Variants in TXNDC15 observed in about 807,000 individuals in gnomAD.
TXNDC15 encodes the protein thioredoxin domain-containing protein 15.
In TXNDC15, 24 loss-of-function variants were observed where a neutral mutation model predicts 35.0. The ratio of observed to expected loss-of-function variants is 0.68; its 90% CI spans 0.50 to 0.96. TXNDC15 has a LOEUF of 0.96. TXNDC15 is among the 40% of genes least tolerant of loss of function. The probability of loss-of-function intolerance (pLI) is 0.00; values close to 1 mark genes in which losing one functional copy is unlikely to be tolerated. For synonymous variants in TXNDC15, 169 were observed against 174.0 expected (o/e 0.97, Z 0.23); for missense variants, 385 against 453.3 (o/e 0.85, Z 1.37).
intron 2 of TXNDC15, chr5:134,892,947 AG>A (rs1750417100): frequency 6.5e-6 from 1 of 153,488 alleles, no homozygotes; most frequent in South Asian, 2.0e-4. Context: ...GTAACATCAA[AG>A]ATACTTATCA....
chr5:134,882,462 A>G (rs887115298), intron 1 of TXNDC15, among the ~76,000 whole-genome samples: 6 of 152,154 alleles, frequency 3.9e-5, no homozygotes, highest in African/African-American at 1.4e-4. Flanking sequence ...AGAGGCTGCA[A>G]TCTCGGCACT....
At chr5:134,875,879 A>C (rs955091263) in intron 1 of TXNDC15, among the ~76,000 whole-genome samples, 1 of 152,034 alleles carries the variant, frequency 6.6e-6, no homozygotes, top group Admixed American at 6.6e-5. Context: ...CATGTTGGCC[A>C]CGCTGGTCTG....
chr5:134,880,149 C>G (rs1228895650), intron 1 of TXNDC15, among the ~76,000 whole-genome samples: 1 of 152,088 alleles, frequency 6.6e-6, no homozygotes. Context: ...CTCCTATGTT[C>G]CAAATAGCAA....
intron 3 of TXNDC15, among the ~76,000 whole-genome samples, chr5:134,895,713 G>T (rs1750476820): frequency 1.3e-5 from 2 of 152,122 alleles, no homozygotes; most frequent in African/African-American, 4.8e-5. Flanking sequence ...CAGAACTGAG[G>T]CTTCAACCCA....
rs569213322 is a variant in TXNDC15 at position 134,889,433 on chromosome 5, A to G, written c.591+1251A>G. On this transcript the variant is annotated intron_variant, in intron 2 of 4. Transcript: ENST00000358387. ...GAAACGAGGTTTTACCACGTTGGCCAGGCTGGTCTCAAATTCCCGACCTCA... is the reference window on the plus strand; with the variant it reads ...GAAACGAGGTTTTACCACGTTGGCCGGGCTGGTCTCAAATTCCCGACCTCA... 2.0e-5 allele frequency among the ~76,000 whole-genome samples: 3 copies of G among 152,336 alleles called. No homozygotes were observed. In the South Asian group the frequency reaches 6.2e-4, roughly 32 times the overall value.
At position 134,899,499 on chromosome 5, in the gene TXNDC15, C is replaced by G; in HGVS notation, c.897C>G (p.Ala299=). The G allele has an allele frequency of 6.2e-7, 1 of 1,611,628 alleles. No individual in the cohort carries two copies. Among genetic ancestry groups the G allele is most frequent in the Non-Finnish European group, 8.5e-7 (1 of 1,179,510 alleles). Residue 299 remains alanine, a synonymous_variant, in exon 5 of 5, where the codon GCC becomes GCG. Coordinates refer to ENST00000358387, the MANE Select transcript of TXNDC15 (RefSeq NM_024715.4). ...TGATTTTTCTTTCAGGTATAGAAGCCAAGAAGAATGTGGTGGTAACTCAAG... is the reference window on the plus strand; with the variant it reads ...TGATTTTTCTTTCAGGTATAGAAGCGAAGAAGAATGTGGTGGTAACTCAAG... ...IFIFNQTGIE[A]KKNVVVTQAD...
intron 2 of TXNDC15, among the ~76,000 whole-genome samples, chr5:134,889,636 C>G (rs555505849): frequency 2.0e-5 from 3 of 152,298 alleles, no homozygotes; most frequent in Non-Finnish European, 2.9e-5. Flanking sequence ...TCGTAGTCCT[C>G]TAATAATTCC....
At chr5:134,875,420 A>AT (rs1446556415) in intron 1 of TXNDC15, 4 of 456,256 alleles carry the variant, frequency 8.8e-6, no homozygotes, top group African/African-American at 8.0e-5. Context: ...CACAATTACC[A>AT]TGAATGAAAG....
At chr5:134,884,795 T>C (rs1750242297) in intron 1 of TXNDC15, among the ~76,000 whole-genome samples, 1 of 152,200 alleles carries the variant, frequency 6.6e-6, no homozygotes, top group African/African-American at 2.4e-5. Flanking sequence ...TCAGTGTGGC[T>C]TGATTGATTA....
intron 2 of TXNDC15, 100 bp downstream of exon 2, chr5:134,888,282 A>C: frequency 8.1e-7 from 1 of 1,227,106 alleles, no homozygotes; most frequent in Non-Finnish European, 1.1e-6. Flanking sequence ...TCTTGATCAT[A>C]TTGTAAGCGA....
chr5:134,884,163 T>C (rs1750225511), intron 1 of TXNDC15, among the ~76,000 whole-genome samples: 1 of 140,966 alleles, frequency 7.1e-6, no homozygotes, highest in South Asian at 2.2e-4. Flanking sequence ...GAGGCTGCAG[T>C]GAGCTGAGAT....
chr5:134,882,443 C>T (rs1290875996), intron 1 of TXNDC15, among the ~76,000 whole-genome samples: 1 of 152,088 alleles, frequency 6.6e-6, no homozygotes, highest in Non-Finnish European at 1.5e-5. Flanking sequence ...GACAGGGTGG[C>T]GGCCGGGCAG....
Position 134,881,459 on chromosome 5 carries a change from C to T in TXNDC15, c.104-6236C>T, listed in dbSNP as rs552187497. Among the ~76,000 whole-genome samples, 3 of 88,562 alleles carry T rather than the reference C, an allele frequency of 3.4e-5. No individual in the cohort carries two copies. In the East Asian group the frequency reaches 8.2e-4, roughly 24 times the overall value. The allele number at this position is 88,562 out of a possible 152,430, so 58.1% of individuals were successfully genotyped here. A position where few individuals can be genotyped will look rare whatever the true frequency, so the allele number is the denominator to read the frequency against. On this transcript the variant is annotated intron_variant, in intron 1 of 4. Coordinates refer to ENST00000358387, the MANE Select transcript of TXNDC15 (RefSeq NM_024715.4). Reference sequence around the variant, plus strand: ...CTTGCACCGCCCTTAATCCATTTAACCCTGAGTGGACACAGCACATGTTTC... The same window carrying T: ...CTTGCACCGCCCTTAATCCATTTAATCCTGAGTGGACACAGCACATGTTTC...
intron 1 of TXNDC15, among the ~76,000 whole-genome samples, chr5:134,885,187 G>C (rs566344604): frequency 1.8e-3 from 273 of 152,276 alleles, no homozygotes; most frequent in South Asian, 4.6e-3. Flanking sequence ...CTTCCAAATT[G>C]CTGGGATTAC....
intron 2 of TXNDC15, chr5:134,893,009 A>G (rs576413946): frequency 6.4e-6 from 1 of 156,614 alleles, no homozygotes; most frequent in East Asian, 1.9e-4. Context: ...AAATATTGCA[A>G]GAATTACCAA....
intron 2 of TXNDC15, among the ~76,000 whole-genome samples, chr5:134,888,626 G>C (rs1750326202): frequency 6.6e-6 from 1 of 152,144 alleles, no homozygotes; most frequent in South Asian, 2.1e-4. Context: ...TGGGATTACA[G>C]GCATGCACTA....
At chr5:134,899,329 T>C (rs564062981) in intron 4 of TXNDC15, among the ~76,000 whole-genome samples, 160 bp from the exon 5 acceptor site, 2 of 152,192 alleles carry the variant, frequency 1.3e-5, no homozygotes, top group Non-Finnish European at 2.9e-5. Context: ...CAAATTACAC[T>C]GATAGGCAAG....
chr5:134,890,685 C>T (rs185429226), intron 2 of TXNDC15, among the ~76,000 whole-genome samples: 1 of 152,120 alleles, frequency 6.6e-6, no homozygotes, highest in Admixed American at 6.6e-5. Flanking sequence ...GCTGGGATTA[C>T]AGGCATGAGC....
chr5:134,888,734 G>A (rs776669303), intron 2 of TXNDC15, among the ~76,000 whole-genome samples: 1 of 151,988 alleles, frequency 6.6e-6, no homozygotes, highest in African/African-American at 2.4e-5. Context: ...CACCCGTCTC[G>A]GCCTCCCAAA....
Sources: gnomAD v4.1 joint callset for allele counts (sites outside exome capture counted in the v4.1 genomes callset) on GRCh38, gnomAD v4.1.1 for gene constraint, MANE v1.5 for transcripts, NCBI Gene and HGNC (gene_info 2026-07-23, HGNC 2026-07-21) for gene names.